The following PCDH15 variants were observed in gnomAD, a reference collection of about 807,000 sequenced individuals.
PCDH15 encodes the protein protocadherin-15.
In PCDH15, 129 loss-of-function variants were observed where a neutral mutation model predicts 178.5. That is an observed-to-expected ratio of 0.72 (90% CI 0.63 to 0.84). The LOEUF (loss-of-function observed/expected upper bound fraction) is 0.84, where lower values mean the gene tolerates loss of function less well. Among genes scored for constraint, PCDH15 ranks in the 40% least tolerant of loss-of-function variants. The pLI, the probability that PCDH15 is intolerant of heterozygous loss-of-function variation, is 0.00. For synonymous variants in PCDH15, 800 were observed against 732.0 expected (o/e 1.09, Z -1.50); for missense variants, 2,230 against 2,099.9 (o/e 1.06, Z -1.21).
chr10:55,238,542 T>C (rs1171240564), intron 1 of PCDH15, among the ~76,000 whole-genome samples: 2 of 152,176 alleles, frequency 1.3e-5, no homozygotes, highest in African/African-American at 4.8e-5. Flanking sequence ...ATAAAATATA[T>C]GGTTTAATGT....
rs185888136 is a variant in PCDH15, at chr10:54,251,050, T to C, written c.877-14119A>G. 4.5e-4 allele frequency among the ~76,000 whole-genome samples: 68 copies of C among 152,364 alleles called. No individual in the cohort carries two copies. In the East Asian group the frequency reaches 0.013, roughly 29 times the overall value. On this transcript the variant is annotated intron_variant, in intron 8 of 37. Transcript: ENST00000644397. ...AATTGACAGACGTCTTTGAGTACTTTTATTCTGAAGATAATATGAATCCTT... is the reference window on the plus strand; with the variant it reads ...AATTGACAGACGTCTTTGAGTACTTCTATTCTGAAGATAATATGAATCCTT...
At chr10:53,822,153 AT>A in intron 32 of PCDH15, 5 of 1,613,980 alleles carry the variant, frequency 3.1e-6, no homozygotes, top group Non-Finnish European at 4.2e-6. Context: ...AGAGGACTTA[AT>A]TTTCTCGGCA....
chr10:55,068,364 T>TC, intron 2 of PCDH15, among the ~76,000 whole-genome samples: 1 of 152,196 alleles, frequency 6.6e-6, no homozygotes, highest in South Asian at 2.1e-4. Context: ...GACTGTCCTT[T>TC]CCCCAGTGAA....
intron 2 of PCDH15, among the ~76,000 whole-genome samples, chr10:54,622,653 ACTATATAATATATATT>A (rs1565777049): frequency 1.1e-4 from 10 of 93,762 alleles, no homozygotes; most frequent in South Asian, 2.6e-4. Flanking sequence ...TTATATATAT[ACTATATAATATATATT>A]ATATATAATA....
intron 3 of PCDH15, among the ~76,000 whole-genome samples, chr10:54,498,797 T>G (rs1030107864): frequency 7.9e-5 from 12 of 152,098 alleles, no homozygotes; most frequent in Admixed American, 7.2e-4. Flanking sequence ...AACTGGGTAA[T>G]TTATAAAGAA....
intron 2 of PCDH15, among the ~76,000 whole-genome samples, chr10:55,590,367 G>A (rs1005769343): frequency 2.7e-5 from 4 of 150,578 alleles, no homozygotes; most frequent in East Asian, 3.9e-4. Context: ...ATGCTAAATG[G>A]CGAGTTAATG....
At chr10:54,861,302 C>G (rs1422419503) in intron 3 of PCDH15, among the ~76,000 whole-genome samples, 1 of 151,968 alleles carries the variant, frequency 6.6e-6, no homozygotes, top group Admixed American at 6.6e-5. Context: ...CATCTGATCC[C>G]CAGAAACATA....
At chr10:54,249,772 T>C (rs1357628502) in intron 8 of PCDH15, among the ~76,000 whole-genome samples, 1 of 152,160 alleles carries the variant, frequency 6.6e-6, no homozygotes. Flanking sequence ...GGCTTTTTTA[T>C]ATGTAATGTT....
At chr10:55,371,208 T>A (rs1385798353) in intron 2 of PCDH15, among the ~76,000 whole-genome samples, 1 of 152,060 alleles carries the variant, frequency 6.6e-6, no homozygotes, top group Non-Finnish European at 1.5e-5. Context: ...GAGAAGTTAA[T>A]TATAGGGAGA....
intron 2 of PCDH15, among the ~76,000 whole-genome samples, chr10:55,046,306 A>G (rs1249929117): frequency 6.6e-6 from 1 of 152,026 alleles, no homozygotes; most frequent in Non-Finnish European, 1.5e-5. Context: ...ATGAAAAACG[A>G]AAGAAATCTC....
intron 21 of PCDH15, among the ~76,000 whole-genome samples, chr10:53,974,916 G>T (rs1356794483): frequency 6.6e-6 from 1 of 151,944 alleles, no homozygotes; most frequent in Non-Finnish European, 1.5e-5. Context: ...TAGTTTTTCA[G>T]CTCTTGCTCC....
At chr10:54,160,772 G>A (rs2045627342) in intron 13 of PCDH15, among the ~76,000 whole-genome samples, 1 of 152,068 alleles carries the variant, frequency 6.6e-6, no homozygotes, top group Non-Finnish European at 1.5e-5. Flanking sequence ...CACCAAAGAA[G>A]ATCAATAAAT....
intron 3 of PCDH15, among the ~76,000 whole-genome samples, chr10:54,435,401 C>A (rs953252807): frequency 4.3e-4 from 66 of 152,172 alleles, no homozygotes; most frequent in Admixed American, 7.2e-4. Flanking sequence ...TATGCTAGGT[C>A]TCATAACATG....
chr10:55,006,682 G>A (rs1462726868), intron 2 of PCDH15, among the ~76,000 whole-genome samples: 1 of 152,166 alleles, frequency 6.6e-6, no homozygotes, highest in Non-Finnish European at 1.5e-5. Flanking sequence ...GCCGCAGGCT[G>A]GGCAGAGCTG....
Position 54,436,036 on chromosome 10 carries a change from GA to G in PCDH15, c.158-57095del, listed in dbSNP as rs372639067. 5.9e-3 allele frequency among the ~76,000 whole-genome samples: 133 copies of G among 22,580 alleles called. 3 individuals are homozygous for G. The highest frequency in any genetic ancestry group is 0.033 in the African/African-American group (120 of 3,630). 14.8% of individuals were successfully genotyped at this position (22,580 alleles called of 152,430 possible). On this transcript the variant is annotated intron_variant, in intron 3 of 37. Transcript: ENST00000644397. ...GGAGAGGAGAGGAGAGGAGAGGAGA[GA>G]GAGAGAGAGAGAGAAAAGAAAGAAA...
At chr10:53,921,864 G>C (rs1212633928) in intron 25 of PCDH15, among the ~76,000 whole-genome samples, 1 of 152,022 alleles carries the variant, frequency 6.6e-6, no homozygotes, top group African/African-American at 2.4e-5. Context: ...GACCAATTTA[G>C]TTCATAGCAG....
intron 3 of PCDH15, among the ~76,000 whole-genome samples, chr10:54,819,367 A>C (rs1313113009): frequency 6.6e-6 from 1 of 152,044 alleles, no homozygotes; most frequent in African/African-American, 2.4e-5. Flanking sequence ...AATTGGTTTA[A>C]ATTTTAAAAA....
chr10:54,273,381 A>T (rs1205897553), intron 8 of PCDH15, among the ~76,000 whole-genome samples: 2 of 89,664 alleles, frequency 2.2e-5, no homozygotes, highest in Non-Finnish European at 6.5e-5. Flanking sequence ...CAGTAAAAAA[A>T]AAAAGGTGAT....
intron 2 of PCDH15, among the ~76,000 whole-genome samples, chr10:55,144,264 G>A (rs1165376741): frequency 3.9e-5 from 4 of 103,474 alleles, no homozygotes; most frequent in African/African-American, 1.4e-4. Flanking sequence ...CTTGTATTAC[G>A]GCTGAGAAAA....
Sources: allele counts gnomAD v4.1 joint callset (sites outside exome capture counted in the v4.1 genomes callset), GRCh38; gene constraint gnomAD v4.1.1; transcripts MANE v1.5; gene names NCBI Gene and HGNC (gene_info 2026-07-23, HGNC 2026-07-21).